DEPDC1B: variants seen among roughly 807,000 people sequenced by gnomAD.
The protein encoded by DEPDC1B is DEP domain containing 1B, also known as DEP domain-containing protein 1B.
DEPDC1B carries 51 observed loss-of-function variants against 66.5 expected under a neutral mutation model. That is an observed-to-expected ratio of 0.77 (90% CI 0.61 to 0.97). The LOEUF (loss-of-function observed/expected upper bound fraction) is 0.97, where lower values mean the gene tolerates loss of function less well. DEPDC1B is among the 50% of genes least tolerant of loss of function. The pLI, the probability that DEPDC1B is intolerant of heterozygous loss-of-function variation, is 0.00. For missense variants in DEPDC1B, 552 were observed against 637.1 expected (o/e 0.87, Z 1.44); for synonymous variants, 226 against 223.6 (o/e 1.01, Z -0.10).
At chr5:60,619,408 A>C (rs1418571544) in intron 7 of DEPDC1B, among the ~76,000 whole-genome samples, 1 of 152,206 alleles carries the variant, frequency 6.6e-6, no homozygotes, top group Non-Finnish European at 1.5e-5. Context: ...TCAGCCCAAA[A>C]TCTCCTTAAG....
At position 60,647,387 on chromosome 5, in the gene DEPDC1B, A is replaced by G. The variant is rs1278316006; in HGVS notation, c.450+11T>C. 1.9e-6 allele frequency: 3 copies of G among 1,590,646 alleles called. No homozygotes were observed. The highest frequency in any genetic ancestry group is 1.4e-5 in the African/African-American group (1 of 73,318). On this transcript the variant is annotated intron_variant, in intron 3 of 10. Transcript: ENST00000265036. ...CTGCCAGCCCTTCCATCTTTCAGTC[A>G]TGGCACTTACCATCACAACTGGCCT...
At chr5:60,600,096 CCAGGCG>C (rs1339136133) in intron 9 of DEPDC1B, among the ~76,000 whole-genome samples, 1 of 152,184 alleles carries the variant, frequency 6.6e-6, no homozygotes, top group Non-Finnish European at 1.5e-5. Flanking sequence ...CTGGAACTAT[CCAGGCG>C]CATTCCCACA....
chr5:60,687,086 C>T lies in DEPDC1B; in HGVS notation c.190G>A (p.Gly64Ser), dbSNP rs778473127. The change falls in exon 2 of 11, where the codon GGC becomes AGC. Residue 64 changes from glycine (G) to serine (S), a missense_variant. Gly to Ser is a moderately conservative substitution (Grantham distance 56). Coordinates refer to ENST00000265036, the MANE Select transcript of DEPDC1B (RefSeq NM_018369.3). ...HELLRCSQNF[G>S]PEVTRKQTVQ... ...GTTTGTTTGCGGGTCACTTCAGGGC[C>T]GAAGTTTTGACTGCACCTCAGCAGC... 5.6e-6 allele frequency: 9 copies of T among 1,614,176 alleles called. No individual in the cohort carries two copies. The highest frequency in any genetic ancestry group is 3.3e-5 in the Admixed American group (2 of 60,022).
intron 7 of DEPDC1B, among the ~76,000 whole-genome samples, chr5:60,627,738 G>A (rs1218296250): frequency 2.0e-5 from 3 of 151,990 alleles, no homozygotes; most frequent in African/African-American, 7.2e-5. Flanking sequence ...GAGAAGAAAT[G>A]GCTGGATATC....
At chr5:60,671,865 G>A (rs1255742108) in intron 2 of DEPDC1B, among the ~76,000 whole-genome samples, 2 of 152,186 alleles carry the variant, frequency 1.3e-5, no homozygotes, top group African/African-American at 2.4e-5. Context: ...GACACCAATA[G>A]GTAACAAAGA....
At chr5:60,667,659 G>C (rs1051025813) in intron 2 of DEPDC1B, among the ~76,000 whole-genome samples, 2 of 37,142 alleles carry the variant, frequency 5.4e-5, no homozygotes, top group Non-Finnish European at 1.5e-4. Context: ...TATTTTACAT[G>C]TATATAATGG....
intron 7 of DEPDC1B, among the ~76,000 whole-genome samples, chr5:60,636,125 C>T (rs1475649231): frequency 6.6e-6 from 1 of 152,158 alleles, no homozygotes; most frequent in Non-Finnish European, 1.5e-5. Context: ...TCTCAATCAC[C>T]ACATTCAAGA....
chr5:60,676,770 C>G (rs549911237), intron 2 of DEPDC1B, among the ~76,000 whole-genome samples: 3 of 152,262 alleles, frequency 2.0e-5, no homozygotes, highest in South Asian at 2.1e-4. Context: ...CCCCATCCCC[C>G]TCCCGTTCCA....
At chr5:60,611,465 C>T (rs1033851548) in intron 7 of DEPDC1B, among the ~76,000 whole-genome samples, 50 of 152,160 alleles carry the variant, frequency 3.3e-4, no homozygotes, top group Admixed American at 3.0e-3. Context: ...AAACTATTGA[C>T]CTTAGTAAGG....
intron 2 of DEPDC1B, among the ~76,000 whole-genome samples, chr5:60,675,566 T>G (rs917457374): frequency 6.6e-6 from 1 of 152,250 alleles, no homozygotes; most frequent in African/African-American, 2.4e-5. Context: ...ACAAAGATTC[T>G]AAATGTAACT....
chr5:60,607,013 G>C (rs1752324984), intron 7 of DEPDC1B, among the ~76,000 whole-genome samples: 1 of 152,118 alleles, frequency 6.6e-6, no homozygotes, highest in South Asian at 2.1e-4. Context: ...CTAGATCCCA[G>C]AAATACAAAG....
At chr5:60,688,312 A>T (rs1319726380) in intron 1 of DEPDC1B, among the ~76,000 whole-genome samples, 2 of 152,178 alleles carry the variant, frequency 1.3e-5, no homozygotes, top group Admixed American at 1.3e-4. Context: ...CTAGAAGTTT[A>T]AGTGTGCATG....
intron 2 of DEPDC1B, among the ~76,000 whole-genome samples, chr5:60,661,612 GT>G (rs1753716730): frequency 6.6e-6 from 1 of 152,192 alleles, no homozygotes; most frequent in Non-Finnish European, 1.5e-5. Context: ...CTATATTGAT[GT>G]TTTACAAGGG....
chr5:60,652,985 C>T (rs1753490265), intron 2 of DEPDC1B, among the ~76,000 whole-genome samples: 4 of 148,824 alleles, frequency 2.7e-5, no homozygotes, highest in Admixed American at 1.3e-4. Context: ...TTATACACAC[C>T]ATATTTTCTT....
intron 2 of DEPDC1B, among the ~76,000 whole-genome samples, chr5:60,680,608 C>A (rs1221054655): frequency 6.6e-6 from 1 of 152,124 alleles, no homozygotes; most frequent in Non-Finnish European, 1.5e-5. Flanking sequence ...TTTTAGGTAG[C>A]TTTCTCTAAC....
intron 2 of DEPDC1B, among the ~76,000 whole-genome samples, chr5:60,657,968 T>C (rs1000780611): frequency 5.3e-5 from 8 of 152,222 alleles, no homozygotes; most frequent in South Asian, 2.1e-4. Flanking sequence ...CCAAATTTCT[T>C]TGAGGCTTTG....
chr5:60,623,063 G>A (rs1367504367), intron 7 of DEPDC1B, among the ~76,000 whole-genome samples: 1 of 151,962 alleles, frequency 6.6e-6, no homozygotes, highest in Non-Finnish European at 1.5e-5. Context: ...CTTTGTCTAT[G>A]CAAAATTGCA....
At position 60,599,133 on chromosome 5, in the gene DEPDC1B, T is replaced by G. The variant is rs1296155220; in HGVS notation, c.1370A>C (p.Glu457Ala). ...GSQEPLAALL[E>A]EVITDAKLSN... Reference sequence around the variant, plus strand: ...GAGTTTGGCATCTGTTATGACTTCCTCCAACAAGGCTGCCAGAGGTTCCTG... The same window carrying G: ...GAGTTTGGCATCTGTTATGACTTCCGCCAACAAGGCTGCCAGAGGTTCCTG... Residue 457 changes from glutamate to alanine, a missense_variant, in exon 10 of 11, where the codon GAG becomes GCG. Physicochemically the swap from Glu to Ala is moderately radical, Grantham distance 107 (BLOSUM62 -1). Coordinates refer to ENST00000265036, the MANE Select transcript of DEPDC1B (RefSeq NM_018369.3). 1 of 1,613,248 alleles carries G rather than the reference T, an allele frequency of 6.2e-7. No homozygotes were observed.
chr5:60,640,425 C>A (rs1404722107), intron 6 of DEPDC1B, among the ~76,000 whole-genome samples: 2 of 152,128 alleles, frequency 1.3e-5, no homozygotes, highest in Admixed American at 6.5e-5. Flanking sequence ...GCATGGTGAG[C>A]CCTATGAGAG....
Sources: gnomAD v4.1 joint callset for allele counts (sites outside exome capture counted in the v4.1 genomes callset) on GRCh38, gnomAD v4.1.1 for gene constraint, MANE v1.5 for transcripts, NCBI Gene and HGNC (gene_info 2026-07-23, HGNC 2026-07-21) for gene names.